The following SLC30A1 variants were observed in gnomAD, a reference collection of about 807,000 sequenced individuals.
The protein encoded by SLC30A1 is proton-coupled zinc antiporter SLC30A1.
SLC30A1 carries 7 observed loss-of-function variants against 29.8 expected under a neutral mutation model. The ratio of observed to expected loss-of-function variants is 0.23; its 90% CI spans 0.13 to 0.44. The LOEUF (loss-of-function observed/expected upper bound fraction) is 0.44, where lower values mean the gene tolerates loss of function less well. Ranked by LOEUF, SLC30A1 falls within the 20% of genes least tolerant of loss-of-function variation. The probability of loss-of-function intolerance (pLI) is 1.00; values close to 1 mark genes in which losing one functional copy is unlikely to be tolerated. For synonymous variants in SLC30A1, 254 were observed against 253.5 expected (o/e 1.00, Z -0.02); for missense variants, 446 against 647.9 (o/e 0.69, Z 3.38).
chr1:211,576,885 C>A (rs1189038680), intron 1 of SLC30A1, among the ~76,000 whole-genome samples: 1 of 134,030 alleles, frequency 7.5e-6, no homozygotes, highest in African/African-American at 2.8e-5. Flanking sequence ...ACCTGCCCTA[C>A]TAACTTTTAA....
chr1:211,577,906 G>T lies in SLC30A1; in HGVS notation c.622+85C>A. The stretch of plus-strand genomic sequence containing the variant: ...CGCAGGCCCGCTCGGGCAGCAGGGG[G>T]CGTGCGGGCCACCCCGCCGAAGGCC... On this transcript the variant is annotated intron_variant, in intron 1 of 1. Transcript: ENST00000367001. This position sits in a 1 kb window ranked among gnomAD's most constrained non-coding sequence, Gnocchi z 4.5. 1 of 1,556,760 alleles carries T rather than the reference G, an allele frequency of 6.4e-7. No individual in the cohort carries two copies. Among genetic ancestry groups the T allele is most frequent in the Non-Finnish European group, 8.7e-7 (1 of 1,150,348 alleles).
chr1:211,578,821 G>A lies in SLC30A1; in HGVS notation c.-209C>T. The A allele has an allele frequency of 2.8e-6, 1 of 357,892 alleles. No individual in the cohort carries two copies. Among genetic ancestry groups the A allele is most frequent in the Non-Finnish European group, 4.9e-6 (1 of 205,434 alleles). 22.2% of individuals were successfully genotyped at this position (357,892 alleles called of 1,614,324 possible). The stretch of plus-strand genomic sequence containing the variant: ...CTGTGGGCGTTCTCCGCCAGCCGGC[G>A]GCGCCGCGCCGCGCAGCTCCTCAGG... On this transcript the variant is annotated 5_prime_UTR_variant, in exon 1 of 2. Transcript: ENST00000367001.
rs762650426 is a variant in SLC30A1 at position 211,578,554 on chromosome 1, A to G, written c.59T>C (p.Met20Thr). ...RLLCMLALTF[M>T]FMVLEVVVSR... ...CACCACCACCTCCAGCACCATGAAC[A>G]TGAAGGTCAGCGCCAGCATGCACAG... The change falls in exon 1 of 2, where the codon ATG (methionine) becomes ACG (threonine). Residue 20 changes from methionine to threonine, a missense_variant. By Grantham distance (81) the Met-to-Thr change is moderately conservative. This residue lies in a region of SLC30A1 where 62 missense variants were observed against 91.5 expected (regional missense o/e 0.68). Coordinates refer to ENST00000367001, the MANE Select transcript of SLC30A1 (RefSeq NM_021194.3). The G allele has an allele frequency of 1.2e-6, 2 of 1,610,396 alleles. No individual in the cohort carries two copies. Among genetic ancestry groups the G allele is most frequent in the South Asian group, 1.1e-5 (1 of 90,896 alleles).
At position 211,577,215 on chromosome 1, in the gene SLC30A1, G is replaced by A. The variant is rs1706731461; in HGVS notation, c.622+776C>T. Among the ~76,000 whole-genome samples the A allele has an allele frequency of 6.6e-6, 1 of 152,186 alleles. No homozygotes were observed. ...GCTTGGGTAGTAGGACACTGGTTGAGTCATTTCCATCTCCTTTCTTTCAAC... is the reference window on the plus strand; with the variant it reads ...GCTTGGGTAGTAGGACACTGGTTGAATCATTTCCATCTCCTTTCTTTCAAC... On this transcript the variant is annotated intron_variant, in intron 1 of 1. Coordinates refer to ENST00000367001, the MANE Select transcript of SLC30A1 (RefSeq NM_021194.3). The surrounding 1 kb of genome is among the most constrained non-coding windows in gnomAD (Gnocchi z 4.5).
chr1:211,578,720 G>A lies in SLC30A1; in HGVS notation c.-108C>T. The stretch of plus-strand genomic sequence containing the variant: ...GCGACACGGAGGAGCGCCCGAGTCG[G>A]GCCGTTCGGGAAACCGCTGAGGGGC... On this transcript the variant is annotated 5_prime_UTR_variant, in exon 1 of 2. Coordinates refer to ENST00000367001, the MANE Select transcript of SLC30A1 (RefSeq NM_021194.3). 8.3e-7 allele frequency: 1 copy of A among 1,210,540 alleles called. No individual in the cohort carries two copies. Among genetic ancestry groups the A allele is most frequent in the South Asian group, 1.8e-5 (1 of 54,414 alleles). 75.0% of individuals were successfully genotyped at this position (1,210,540 alleles called of 1,614,324 possible). A position where few individuals can be genotyped will look rare whatever the true frequency, so the allele number is the denominator to read the frequency against.
chr1:211,578,842 T>A lies in SLC30A1; in HGVS notation c.-230A>T. ...CGGCGGCGCCGCGCCGCGCAGCTCC[T>A]CAGGCGTCCGTCCTCAGAGCCGGCG... On this transcript the variant is annotated 5_prime_UTR_variant, in exon 1 of 2. The change abolishes the stop of an existing upstream ORF in the 5' untranslated region. Coordinates refer to ENST00000367001, the MANE Select transcript of SLC30A1 (RefSeq NM_021194.3). 6.2e-6 allele frequency: 2 copies of A among 320,374 alleles called. No individual in the cohort carries two copies. Among genetic ancestry groups the A allele is most frequent in the African/African-American group, 2.2e-5 (1 of 45,762 alleles). 19.8% of individuals were successfully genotyped at this position (320,374 alleles called of 1,614,324 possible).
chr1:211,577,889 C>A lies in SLC30A1; in HGVS notation c.622+102G>T. On this transcript the variant is annotated intron_variant, in intron 1 of 1. Coordinates refer to ENST00000367001, the MANE Select transcript of SLC30A1 (RefSeq NM_021194.3). This position sits in a 1 kb window ranked among gnomAD's most constrained non-coding sequence, Gnocchi z 4.5. ...AGGCAGGGGCGGCGCGGCGCAGGCC[C>A]GCTCGGGCAGCAGGGGGCGTGCGGG... The A allele has an allele frequency of 6.7e-7, 1 of 1,492,742 alleles. No individual in the cohort carries two copies. The highest frequency in any genetic ancestry group is 9.0e-7 in the Non-Finnish European group (1 of 1,110,072). 92.5% of individuals were successfully genotyped at this position (1,492,742 alleles called of 1,614,324 possible).
Position 211,578,135 on chromosome 1 carries a change from GGAGGCC to G in SLC30A1, c.472_477del (p.Gly158_Leu159del). On this transcript the variant is annotated inframe_deletion, in exon 1 of 2. Coordinates refer to ENST00000367001, the MANE Select transcript of SLC30A1 (RefSeq NM_021194.3). ...GTGCTCTTAACGCGAGGCCCCTTGG[GGAGGCC>G]GTGGCCGTGGCCGTGACCCCCGTGC... 6.2e-7 allele frequency: 1 copy of G among 1,608,954 alleles called. No homozygotes were observed. The highest frequency in any genetic ancestry group is 1.1e-5 in the South Asian group (1 of 90,568).
Position 211,578,783 on chromosome 1 carries a change from C to T in SLC30A1, c.-171G>A. ...ACGGGGACAAGCCCGGGTCAAGCCG[C>T]CGAGCCCCGCGCCTGTGGGCGTTCT... On this transcript the variant is annotated 5_prime_UTR_variant, in exon 1 of 2. Coordinates refer to ENST00000367001, the MANE Select transcript of SLC30A1 (RefSeq NM_021194.3). The T allele has an allele frequency of 1.6e-5, 8 of 486,314 alleles. No individual in the cohort carries two copies. The highest frequency in any genetic ancestry group is 2.6e-5 in the Non-Finnish European group (8 of 310,346). The allele number at this position is 486,314 out of a possible 1,614,324, so 30.1% of individuals were successfully genotyped here.
At position 211,578,044 on chromosome 1, in the gene SLC30A1, T is replaced by G; in HGVS notation, c.569A>C (p.Asn190Thr). 6.2e-7 allele frequency: 1 copy of G among 1,613,238 alleles called. No individual in the cohort carries two copies. Among genetic ancestry groups the G allele is most frequent in the South Asian group, 1.1e-5 (1 of 91,074 alleles). The change falls in exon 1 of 2, where the codon AAC becomes ACC. Residue 190 changes from asparagine (N) to threonine (T), a missense_variant. By Grantham distance (65) the Asn-to-Thr change is moderately conservative. Coordinates refer to ENST00000367001, the MANE Select transcript of SLC30A1 (RefSeq NM_021194.3). ...GEQGPDQEET[N>T]TLVANTSNSN... The stretch of plus-strand genomic sequence containing the variant: ...GTTGCTGGTATTGGCCACCAGGGTG[T>G]TGGTCTCCTCCTGGTCGGGACCCTG...
Position 211,577,690 on chromosome 1 carries a change from T to A in SLC30A1, c.622+301A>T, listed in dbSNP as rs1211041772. Among the ~76,000 whole-genome samples, 1 of 152,194 alleles carries A rather than the reference T, an allele frequency of 6.6e-6. No homozygotes were observed. Among genetic ancestry groups the A allele is most frequent in the Non-Finnish European group, 1.5e-5 (1 of 68,016 alleles). On this transcript the variant is annotated intron_variant, in intron 1 of 1. Coordinates refer to ENST00000367001, the MANE Select transcript of SLC30A1 (RefSeq NM_021194.3). The surrounding 1 kb of genome is among the most constrained non-coding windows in gnomAD (Gnocchi z 4.5). ...GCTGCAGCCTGTAAAGACAGCCAAG[T>A]GCGGGTGTGGACTGCAGCGGGATGA... is the stretch of plus-strand genomic sequence containing the variant.
chr1:211,573,830 A>G lies in SLC30A1; in HGVS notation c.*1558T>C, dbSNP rs1006531718. 3 of 152,584 alleles carry G rather than the reference A, an allele frequency of 2.0e-5. No homozygotes were observed. The East Asian group carries it at 5.8e-4, about 29-fold the overall frequency. 9.5% of individuals were successfully genotyped at this position (152,584 alleles called of 1,614,324 possible). A position where few individuals can be genotyped will look rare whatever the true frequency, so the allele number is the denominator to read the frequency against. On this transcript the variant is annotated 3_prime_UTR_variant, in exon 2 of 2. Coordinates refer to ENST00000367001, the MANE Select transcript of SLC30A1 (RefSeq NM_021194.3). ...AATTACCATATTTTCACTGGAAAAA[A>G]TCAGCTGTTCTTAAATAGGCCCATC...
chr1:211,578,567 C>A lies in SLC30A1; in HGVS notation c.46G>T (p.Ala16Ser). The change falls in exon 1 of 2, where the codon GCG becomes TCG. Residue 16 changes from alanine to serine, a missense_variant. Ala to Ser is a moderately conservative substitution (Grantham distance 99). Transcript: ENST00000367001. Reference sequence around the variant, plus strand: ...AGCACCATGAACATGAAGGTCAGCGCCAGCATGCACAGCAGCCGGCCCCGG... The same window carrying A: ...AGCACCATGAACATGAAGGTCAGCGACAGCATGCACAGCAGCCGGCCCCGG... Reference protein sequence around the residue: ...RNRGRLLCMLALTFMFMVLEV... With the variant: ...RNRGRLLCMLSLTFMFMVLEV... 1 of 1,608,274 alleles carries A rather than the reference C, an allele frequency of 6.2e-7. No homozygotes were observed.
chr1:211,575,932 A>G lies in SLC30A1; in HGVS notation c.980T>C (p.Ile327Thr). 3 of 1,613,128 alleles carry G rather than the reference A, an allele frequency of 1.9e-6. No individual in the cohort carries two copies. Among genetic ancestry groups the G allele is most frequent in the East Asian group, 4.5e-5 (2 of 44,884 alleles). The change falls in exon 2 of 2, where the codon ATA becomes ACA. Residue 327 changes from isoleucine (I) to threonine (T), a missense_variant. Coordinates refer to ENST00000367001, the MANE Select transcript of SLC30A1 (RefSeq NM_021194.3). The surrounding 1 kb of genome is among the most constrained non-coding windows in gnomAD (Gnocchi z 6.0). ...DPTLCVVMVC[I>T]LLYTTYPLLK... The stretch of plus-strand genomic sequence containing the variant: ...TAATGGATAGGTTGTGTAAAGAAGT[A>G]TACAAACCATTACAACACAAAGAGT...
Position 211,578,963 on chromosome 1 carries a change from G to C in SLC30A1, c.-351C>G, listed in dbSNP as rs1440300478. ...AGCCGGGGTACCAAGAGCCGCAGCC[G>C]GAGCAGGAGCAGGAGGGCGGCGGGC... On this transcript the variant is annotated 5_prime_UTR_variant, in exon 1 of 2. Coordinates refer to ENST00000367001, the MANE Select transcript of SLC30A1 (RefSeq NM_021194.3). Among the ~76,000 whole-genome samples, 1 of 152,202 alleles carries C rather than the reference G, an allele frequency of 6.6e-6. No homozygotes were observed. The highest frequency in any genetic ancestry group is 1.5e-5 in the Non-Finnish European group (1 of 68,018).
At position 211,575,293 on chromosome 1, in the gene SLC30A1, T is replaced by G. The variant is rs1706705157; in HGVS notation, c.*95A>C. 1 of 1,040,106 alleles carries G rather than the reference T, an allele frequency of 9.6e-7. No individual in the cohort carries two copies. The highest frequency in any genetic ancestry group is 1.6e-5 in the South Asian group (1 of 63,322). The allele number at this position is 1,040,106 out of a possible 1,614,324, so 64.4% of individuals were successfully genotyped here. A position where few individuals can be genotyped will look rare whatever the true frequency, so the allele number is the denominator to read the frequency against. On this transcript the variant is annotated 3_prime_UTR_variant, in exon 2 of 2. Coordinates refer to ENST00000367001, the MANE Select transcript of SLC30A1 (RefSeq NM_021194.3). The surrounding 1 kb of genome is among the most constrained non-coding windows in gnomAD (Gnocchi z 6.0). ...TTAAACTGTGTGACCAGACAAGGAC[T>G]TCAATTACACTACTTGGCAAACTTA...
chr1:211,575,643 A>G lies in SLC30A1; in HGVS notation c.1269T>C (p.Ser423=), dbSNP rs1706709046. The part of the protein sequence containing the change: ...HATTIQPEFA[S]VGSKSSVVPC... ...GAACTACACTTGATTTAGAGCCTAC[A>G]CTAGCAAATTCAGGCTGAATGGTAG... Residue 423 remains serine, a synonymous_variant, in exon 2 of 2, where the codon AGT becomes AGC. Transcript: ENST00000367001. The surrounding 1 kb of genome is among the most constrained non-coding windows in gnomAD (Gnocchi z 6.0). 5 of 1,614,226 alleles carry G rather than the reference A, an allele frequency of 3.1e-6. No homozygotes were observed. The highest frequency in any genetic ancestry group is 4.5e-5 in the East Asian group (2 of 44,888).
In SLC30A1 at chr1:211,575,297, AT is replaced by A. The variant is rs1706705258; in HGVS notation, c.*90del. On this transcript the variant is annotated 3_prime_UTR_variant, in exon 2 of 2. Transcript: ENST00000367001. This position sits in a 1 kb window ranked among gnomAD's most constrained non-coding sequence, Gnocchi z 6.0. ...ACTGTGTGACCAGACAAGGACTTCA[AT>A]TACACTACTTGGCAAACTTAGAATT... is the stretch of plus-strand genomic sequence containing the variant. 1 of 1,108,304 alleles carries A rather than the reference AT, an allele frequency of 9.0e-7. No homozygotes were observed. Among genetic ancestry groups the A allele is most frequent in the African/African-American group, 1.6e-5 (1 of 63,866 alleles). 68.7% of individuals were successfully genotyped at this position (1,108,304 alleles called of 1,614,324 possible).
chr1:211,577,986 C>A lies in SLC30A1; in HGVS notation c.622+5G>T. On this transcript the variant is annotated splice_donor_5th_base_variant and intron_variant, in intron 1 of 1. Transcript: ENST00000367001. The surrounding 1 kb of genome is among the most constrained non-coding windows in gnomAD (Gnocchi z 4.5). ...CCACCTGCGGCAGCGACTTTCCCGG[C>A]TCACCTGCGGGGTCCAATTTCAGCC... The A allele has an allele frequency of 3.7e-6, 6 of 1,612,676 alleles. No individual in the cohort carries two copies. Among genetic ancestry groups the A allele is most frequent in the Non-Finnish European group, 4.2e-6 (5 of 1,179,764 alleles).
Sources: allele counts gnomAD v4.1 joint callset (sites outside exome capture counted in the v4.1 genomes callset), GRCh38; gene constraint gnomAD v4.1.1; regional missense constraint gnomAD v4.1.1; non-coding constraint Gnocchi (gnomAD v3.1); transcripts MANE v1.5; gene names NCBI Gene and HGNC (gene_info 2026-07-23, HGNC 2026-07-21).